The following CFAP299 variants were observed in gnomAD, a reference collection of about 807,000 sequenced individuals.
The protein encoded by CFAP299 is cilia and flagella associated protein 299.
In CFAP299, 21 loss-of-function variants were observed where a neutral mutation model predicts 27.0. The observed-to-expected ratio is 0.78, with a 90% confidence interval of 0.55 to 1.12. The LOEUF (loss-of-function observed/expected upper bound fraction) is 1.12. Among genes scored for constraint, CFAP299 ranks in the 50% most tolerant of loss-of-function variants. The pLI, the probability that CFAP299 is intolerant of heterozygous loss-of-function variation, is 0.00. For synonymous variants in CFAP299, 104 were observed against 98.1 expected, an observed-to-expected ratio of 1.06 and a Z score of -0.36; for missense variants, 310 against 276.6, an observed-to-expected ratio of 1.12 and a Z score of -0.86.
rs1729433953 is a variant in CFAP299, at chr4:80,461,468, C to A, written c.242+98584C>A. 2.6e-5 allele frequency among the ~76,000 whole-genome samples: 4 copies of A among 152,012 alleles called. No individual in the cohort carries two copies. In the South Asian group the frequency reaches 8.3e-4, roughly 32 times the overall value. ...TAAAATACTTAGATTTCTTTCAGGG[C>A]CTGCTGTCTGTCATGTTGGTATCTT... On this transcript the variant is annotated intron_variant, in intron 2 of 5. Transcript: ENST00000358105.
chr4:80,816,635 A>C lies in CFAP299; in HGVS notation c.334-53358A>C, dbSNP rs568138651. 3.3e-5 allele frequency among the ~76,000 whole-genome samples: 5 copies of C among 152,220 alleles called. 1 individual carries two copies. The East Asian group carries it at 9.7e-4, about 29-fold the overall frequency. On this transcript the variant is annotated intron_variant, in intron 3 of 5. Coordinates refer to ENST00000358105, the MANE Select transcript of CFAP299 (RefSeq NM_152770.3). ...TATTGTGAGTGTATCCCATTTTCTC[A>C]GCATTAAGGGAAAAATTGATAAATT...
intron 2 of CFAP299, among the ~76,000 whole-genome samples, chr4:80,557,144 C>G (rs1409009509): frequency 6.6e-6 from 1 of 152,046 alleles, no homozygotes; most frequent in Non-Finnish European, 1.5e-5. Context: ...AGATACTGGC[C>G]TTGCATCAGT....
At chr4:80,359,794 C>G (rs1560529101) in intron 1 of CFAP299, among the ~76,000 whole-genome samples, 1 of 152,082 alleles carries the variant, frequency 6.6e-6, no homozygotes, top group Non-Finnish European at 1.5e-5. Context: ...TATCTTTGTT[C>G]CTATCCGTAT....
At chr4:80,693,407 T>TGAAATTG (rs1482112345) in intron 3 of CFAP299, among the ~76,000 whole-genome samples, 1 of 151,466 alleles carries the variant, frequency 6.6e-6, no homozygotes, top group African/African-American at 2.4e-5. Flanking sequence ...GGGACATGGA[T>TGAAATTG]GAAATTGGAA....
intron 3 of CFAP299, among the ~76,000 whole-genome samples, chr4:80,829,230 CA>C (rs1011545496): frequency 1.3e-4 from 19 of 151,498 alleles, no homozygotes; most frequent in African/African-American, 4.6e-4. Context: ...AACTCAACAA[CA>C]AAAAAACAAA....
intron 3 of CFAP299, among the ~76,000 whole-genome samples, chr4:80,808,865 GA>G (rs1728999535): frequency 6.6e-6 from 1 of 151,968 alleles, no homozygotes; most frequent in South Asian, 2.1e-4. Flanking sequence ...CATGATTTAC[GA>G]TCAGATGGAT....
intron 2 of CFAP299, among the ~76,000 whole-genome samples, chr4:80,390,269 C>T (rs546760516): frequency 2.1e-4 from 32 of 151,962 alleles, no homozygotes; most frequent in African/African-American, 7.7e-4. Flanking sequence ...TGACTGACAT[C>T]TCCCGATTTA....
chr4:80,360,980 G>C (rs1274427065), intron 1 of CFAP299, among the ~76,000 whole-genome samples: 1 of 152,186 alleles, frequency 6.6e-6, no homozygotes, highest in African/African-American at 2.4e-5. Context: ...GCAAGGCTCA[G>C]ATTCCTCAGA....
chr4:80,458,150 C>T (rs1385816521), intron 2 of CFAP299, among the ~76,000 whole-genome samples: 1 of 152,158 alleles, frequency 6.6e-6, no homozygotes, highest in South Asian at 2.1e-4. Context: ...AAAACAATAG[C>T]TCTTCATGGA....
intron 3 of CFAP299, among the ~76,000 whole-genome samples, chr4:80,793,770 G>C (rs374971903): frequency 6.6e-6 from 1 of 152,290 alleles, no homozygotes; most frequent in East Asian, 1.9e-4. Context: ...CTTAGTACAA[G>C]TGTATACATG....
In CFAP299 at chr4:80,799,475, ATATT is replaced by A. The variant is rs1398925832; in HGVS notation, c.334-70513_334-70510del. On this transcript the variant is annotated intron_variant, in intron 3 of 5. Coordinates refer to ENST00000358105, the MANE Select transcript of CFAP299 (RefSeq NM_152770.3). Reference sequence around the variant, plus strand: ...TATATATAATATATTTTATAAATATATATTTATTAAATATATATAATATATTTTA... The same window carrying A: ...TATATATAATATATTTTATAAATATATATTAAATATATATAATATATTTTA... 3.6e-5 allele frequency among the ~76,000 whole-genome samples: 3 copies of A among 83,718 alleles called. No homozygotes were observed. In the East Asian group the frequency reaches 1.1e-3, roughly 31 times the overall value. 54.9% of individuals were successfully genotyped at this position (83,718 alleles called of 152,430 possible).
intron 3 of CFAP299, among the ~76,000 whole-genome samples, chr4:80,774,507 G>A (rs987539350): frequency 4.0e-5 from 6 of 151,506 alleles, no homozygotes; most frequent in South Asian, 2.1e-4. Context: ...TTTAAACCAC[G>A]ATTCTTTGGA....
intron 4 of CFAP299, among the ~76,000 whole-genome samples, chr4:80,891,862 A>T (rs1734322503): frequency 7.0e-6 from 1 of 143,194 alleles, no homozygotes; most frequent in Admixed American, 6.9e-5. Flanking sequence ...AATTGCAGAG[A>T]TCACAAAAAA....
chr4:80,611,391 C>A (rs1737969612), intron 3 of CFAP299, among the ~76,000 whole-genome samples: 1 of 151,996 alleles, frequency 6.6e-6, no homozygotes, highest in African/African-American at 2.4e-5. Flanking sequence ...ACATTATATT[C>A]AATAACTACA....
chr4:80,879,515 A>G (rs964877410), intron 4 of CFAP299, among the ~76,000 whole-genome samples: 1 of 152,190 alleles, frequency 6.6e-6, no homozygotes, highest in African/African-American at 2.4e-5. Flanking sequence ...ATTTAGCTGT[A>G]GAAGTGACAG....
chr4:80,384,954 G>A (rs1724892631), intron 2 of CFAP299, among the ~76,000 whole-genome samples: 1 of 151,932 alleles, frequency 6.6e-6, no homozygotes, highest in African/African-American at 2.4e-5. Context: ...ATATTTGTAT[G>A]TATTTAATTT....
intron 3 of CFAP299, among the ~76,000 whole-genome samples, chr4:80,635,812 G>A (rs1739444379): frequency 1.3e-5 from 2 of 152,036 alleles, no homozygotes; most frequent in Admixed American, 1.3e-4. Context: ...TTATTTTTCA[G>A]TTAGTATTCT....
chr4:80,638,757 G>T (rs937071921), intron 3 of CFAP299, among the ~76,000 whole-genome samples: 7 of 152,152 alleles, frequency 4.6e-5, no homozygotes, highest in African/African-American at 1.4e-4. Context: ...TCCATCATGG[G>T]TGCCTGCAGT....
At chr4:80,787,218 A>G (rs920163056) in intron 3 of CFAP299, among the ~76,000 whole-genome samples, 2 of 148,068 alleles carry the variant, frequency 1.4e-5, no homozygotes, top group African/African-American at 4.9e-5. Flanking sequence ...ATAATATTTT[A>G]TATATATATA....
Sources: gnomAD v4.1 joint callset for allele counts (sites outside exome capture counted in the v4.1 genomes callset) on GRCh38, gnomAD v4.1.1 for gene constraint, MANE v1.5 for transcripts, NCBI Gene and HGNC (gene_info 2026-07-23, HGNC 2026-07-21) for gene names.